PCDH15: variants seen among roughly 807,000 people sequenced by gnomAD.
The protein encoded by PCDH15 is protocadherin related 15.
PCDH15 carries 129 observed loss-of-function variants against 178.5 expected under a neutral mutation model. That is an observed-to-expected ratio of 0.72 (90% confidence interval 0.63 to 0.84). PCDH15 has a LOEUF of 0.84. Ranked by LOEUF, PCDH15 falls within the 40% of genes least tolerant of loss-of-function variation. The pLI, the probability that PCDH15 is intolerant of heterozygous loss-of-function variation, is 0.00. For synonymous variants in PCDH15, 800 were observed against 732.0 expected, an observed-to-expected ratio of 1.09 and a Z score of -1.50; for missense variants, 2,230 against 2,099.9, an observed-to-expected ratio of 1.06 and a Z score of -1.21.
At chr10:55,448,781 T>C (rs1839371542) in intron 2 of PCDH15, among the ~76,000 whole-genome samples, 1 of 152,096 alleles carries the variant, frequency 6.6e-6, no homozygotes, top group Non-Finnish European at 1.5e-5. Flanking sequence ...TCAGACCTCT[T>C]TGTTGTGTAC....
chr10:54,737,669 T>C (rs1050033960), intron 1 of PCDH15, among the ~76,000 whole-genome samples: 22 of 151,524 alleles, frequency 1.5e-4, no homozygotes, highest in African/African-American at 5.1e-4. Flanking sequence ...ATAAATTTGA[T>C]GACATTTAAG....
At chr10:55,575,545 C>A (rs1306068507) in intron 2 of PCDH15, 2 of 152,060 alleles carry the variant, frequency 1.3e-5, no homozygotes, top group African/African-American at 4.8e-5. Flanking sequence ...TAGTTTGTAA[C>A]GAAGTGTCTA....
At chr10:53,921,266 G>A (rs2083974659) in intron 25 of PCDH15, among the ~76,000 whole-genome samples, 1 of 151,990 alleles carries the variant, frequency 6.6e-6, no homozygotes, top group Non-Finnish European at 1.5e-5. Flanking sequence ...CAGTATAAAT[G>A]GAAATTAAAA....
chr10:55,188,734 C>G (rs930140227), intron 1 of PCDH15, among the ~76,000 whole-genome samples: 2 of 151,622 alleles, frequency 1.3e-5, no homozygotes, highest in African/African-American at 4.8e-5. Flanking sequence ...TTAAAAATCT[C>G]AATAGCCTTT....
chr10:55,222,730 C>CACACACAT, intron 1 of PCDH15, among the ~76,000 whole-genome samples: 72 of 121,224 alleles, frequency 5.9e-4, no homozygotes, highest in East Asian at 4.8e-3. Flanking sequence ...CACACACACA[C>CACACACAT]ATATATATAT....
At chr10:54,753,236 G>A (rs969778124) in intron 1 of PCDH15, among the ~76,000 whole-genome samples, 26 of 151,930 alleles carry the variant, frequency 1.7e-4, no homozygotes, top group African/African-American at 6.0e-4. Flanking sequence ...CAGGCTGGGG[G>A]GCAGTGGCCT....
rs188436888 is a variant in PCDH15, at chr10:55,485,391, C to T, written c.-156+142234G>A. Among the ~76,000 whole-genome samples the T allele has an allele frequency of 2.6e-5, 4 of 151,742 alleles. No individual in the cohort carries two copies. In the East Asian group the frequency reaches 7.8e-4, roughly 30 times the overall value. ...GCAAAAATTCAAACAATTGCAACCT[C>T]AGGCATAAATGGGTTAAAAACATGC... On this transcript the variant is annotated intron_variant, in intron 2 of 5. Coordinates refer to the PCDH15 transcript ENST00000613346.
intron 1 of PCDH15, among the ~76,000 whole-genome samples, chr10:55,228,181 T>G (rs1841107970): frequency 6.6e-6 from 1 of 152,086 alleles, no homozygotes; most frequent in African/African-American, 2.4e-5. Flanking sequence ...AATAAGCATA[T>G]CATGTATCAT....
intron 1 of PCDH15, among the ~76,000 whole-genome samples, chr10:54,775,047 T>C (rs1476247146): frequency 2.6e-5 from 4 of 152,208 alleles, no homozygotes; most frequent in African/African-American, 9.6e-5. Context: ...TAAACTTGAT[T>C]GCACTTATGC....
chr10:53,824,284 C>T (rs2076524024), intron 32 of PCDH15, among the ~76,000 whole-genome samples: 1 of 152,034 alleles, frequency 6.6e-6, no homozygotes, highest in Non-Finnish European at 1.5e-5. Flanking sequence ...GCATTTGGAC[C>T]CTTCTCCCAG....
intron 2 of PCDH15, among the ~76,000 whole-genome samples, chr10:54,587,798 AG>A (rs1439891040): frequency 6.6e-6 from 1 of 152,172 alleles, no homozygotes; most frequent in Non-Finnish European, 1.5e-5. Flanking sequence ...CATATGTGAA[AG>A]TATAGCAAAC....
At chr10:55,491,804 C>T (rs1447050449) in intron 2 of PCDH15, among the ~76,000 whole-genome samples, 1 of 151,538 alleles carries the variant, frequency 6.6e-6, no homozygotes, top group South Asian at 2.1e-4. Flanking sequence ...GCAGAACAGC[C>T]TGTTTAATAG....
intron 1 of PCDH15, among the ~76,000 whole-genome samples, chr10:55,255,122 GC>G (rs1841955867): frequency 6.6e-6 from 1 of 152,006 alleles, no homozygotes; most frequent in Admixed American, 6.6e-5. Flanking sequence ...CCCACAACAG[GC>G]CCCAGTGGGT....
rs77482880 is a variant in PCDH15 at position 54,281,611 on chromosome 10, C to T, written c.876+35660G>A. On this transcript the variant is annotated intron_variant, in intron 8 of 37. Transcript: ENST00000644397. ...ATGTGTTTAGGGTATACAATGGAAG[C>T]AGAGTCTGCTGCTAGGAAAAATTGA... is the stretch of plus-strand genomic sequence containing the variant. 4.2e-3 allele frequency among the ~76,000 whole-genome samples: 644 copies of T among 152,088 alleles called. 8 individuals carry two copies. Among genetic ancestry groups the T allele is most frequent in the African/African-American group, 0.013 (532 of 41,528 alleles).
chr10:55,058,985 A>G (rs565463008), intron 2 of PCDH15, among the ~76,000 whole-genome samples: 1 of 152,266 alleles, frequency 6.6e-6, no homozygotes, highest in African/African-American at 2.4e-5. Flanking sequence ...ATCACATAAA[A>G]CCACAAAGCA....
At chr10:54,849,846 A>G (rs1953583801) in intron 3 of PCDH15, among the ~76,000 whole-genome samples, 1 of 152,166 alleles carries the variant, frequency 6.6e-6, no homozygotes, top group Non-Finnish European at 1.5e-5. Context: ...TTTATCAAAT[A>G]TTTACAATGT....
intron 1 of PCDH15, among the ~76,000 whole-genome samples, chr10:54,710,104 T>C (rs992132416): frequency 6.6e-6 from 1 of 151,904 alleles, no homozygotes; most frequent in African/African-American, 2.4e-5. Flanking sequence ...TGCATAAATG[T>C]AGCAATTCAC....
Position 54,202,525 on chromosome 10 carries a change from T to G in PCDH15, c.1099-6636A>C, listed in dbSNP as rs141924879. On this transcript the variant is annotated intron_variant, in intron 10 of 37. Coordinates refer to ENST00000644397, the MANE Select transcript of PCDH15 (RefSeq NM_001384140.1). ...ATGGAAGGCCTAATAAAAAGCAGAT[T>G]CCCTGGGCCAGGCGCAGTGTCTCAC... Among the ~76,000 whole-genome samples, 399 of 152,058 alleles carry G rather than the reference T, an allele frequency of 2.6e-3. 3 individuals are homozygous for G. The highest frequency in any genetic ancestry group is 0.017 in the Middle Eastern group (5 of 294).
rs1291984478 is a variant in PCDH15 at position 55,520,134 on chromosome 10, A to G, written c.-156+107491T>C. 2.8e-4 allele frequency among the ~76,000 whole-genome samples: 34 copies of G among 123,490 alleles called. 1 individual carries two copies. Among genetic ancestry groups the G allele is most frequent in the African/African-American group, 9.7e-4 (32 of 33,034 alleles). The allele number at this position is 123,490 out of a possible 152,430, so 81.0% of individuals were successfully genotyped here. ...CAATGTGTATATATATATACACGCA[A>G]TGTGTATATATATATACACGCAATG... is the stretch of plus-strand genomic sequence containing the variant. On this transcript the variant is annotated intron_variant, in intron 2 of 5. Coordinates refer to the PCDH15 transcript ENST00000613346.
Sources: allele counts gnomAD v4.1 joint callset (sites outside exome capture counted in the v4.1 genomes callset), GRCh38; gene constraint gnomAD v4.1.1; transcripts MANE v1.5; gene names NCBI Gene and HGNC (gene_info 2026-07-23, HGNC 2026-07-21).